The following CTNNA2 variants were observed in gnomAD, a reference collection of about 807,000 sequenced individuals.
CTNNA2 encodes catenin alpha 2, also known as catenin alpha-2.
CTNNA2 carries 42 observed loss-of-function variants against 101.0 expected under a neutral mutation model. The observed-to-expected ratio is 0.42, with a 90% confidence interval of 0.32 to 0.54. The LOEUF is 0.54. CTNNA2 is among the 20% of genes least tolerant of loss of function. The pLI is 0.14. For missense variants in CTNNA2, 871 were observed against 1,223.1 expected, an observed-to-expected ratio of 0.71 and a Z score of 4.29; for synonymous variants, 450 against 456.4, an observed-to-expected ratio of 0.99 and a Z score of 0.18.
chr2:79,537,055 C>T (rs765911124), intron 1 of CTNNA2, among the ~76,000 whole-genome samples: 10 of 152,116 alleles, frequency 6.6e-5, no homozygotes, highest in Non-Finnish European at 1.3e-4. Flanking sequence ...ACCTCACTTG[C>T]CACTGTTTGC....
intron 7 of CTNNA2, among the ~76,000 whole-genome samples, chr2:80,077,418 C>G (rs1431753276): frequency 6.6e-6 from 1 of 151,904 alleles, no homozygotes; most frequent in African/African-American, 2.4e-5. Context: ...AGTGTATTCA[C>G]AAGATGAAGT....
chr2:79,815,670 G>A (rs1677433154), intron 3 of CTNNA2, among the ~76,000 whole-genome samples: 1 of 152,132 alleles, frequency 6.6e-6, no homozygotes, highest in Admixed American at 6.6e-5. Flanking sequence ...TGGCCTTATA[G>A]TATAGTTTGA....
intron 3 of CTNNA2, among the ~76,000 whole-genome samples, chr2:79,824,590 T>G (rs1273540641): frequency 6.6e-6 from 1 of 152,200 alleles, no homozygotes; most frequent in Non-Finnish European, 1.5e-5. Flanking sequence ...GTCAAACAGC[T>G]GACATTGCTT....
intron 4 of CTNNA2, among the ~76,000 whole-genome samples, chr2:79,429,938 T>G (rs1452685395): frequency 6.6e-6 from 1 of 152,172 alleles, no homozygotes; most frequent in Non-Finnish European, 1.5e-5. Context: ...CTTTATTTCT[T>G]TGCAGTAGTA....
intron 18 of CTNNA2, among the ~76,000 whole-genome samples, chr2:80,622,490 G>A (rs1357947690): frequency 6.6e-6 from 1 of 151,720 alleles, no homozygotes; most frequent in African/African-American, 2.4e-5. Flanking sequence ...AATTTCCTTG[G>A]GCACTAAGCA....
At chr2:79,857,988 C>A (rs758489033) in intron 3 of CTNNA2, 25 bp from the exon 4 acceptor site, 8 of 1,600,298 alleles carry the variant, frequency 5.0e-6, no homozygotes, top group Non-Finnish European at 4.3e-6. Context: ...GTCTACCCAC[C>A]TGCCTCTCCG....
chr2:79,487,848 A>T (rs139198682), intron 4 of CTNNA2, among the ~76,000 whole-genome samples: 1 of 152,336 alleles, frequency 6.6e-6, no homozygotes, highest in East Asian at 1.9e-4. Flanking sequence ...TTTATTACAT[A>T]TCAATAGATA....
intron 2 of CTNNA2, among the ~76,000 whole-genome samples, chr2:79,235,186 A>C (rs1488789439): frequency 2.6e-5 from 4 of 152,144 alleles, no homozygotes; most frequent in Admixed American, 2.0e-4. Flanking sequence ...GATTGAGTAT[A>C]CTCAGTTGGC....
chr2:80,099,029 G>A (rs538713918), intron 7 of CTNNA2, among the ~76,000 whole-genome samples: 4 of 151,950 alleles, frequency 2.6e-5, no homozygotes, highest in East Asian at 2.0e-4. Flanking sequence ...CCACTGTCCG[G>A]CACTCCCCAG....
At chr2:80,197,122 C>G (rs1706891107) in intron 7 of CTNNA2, among the ~76,000 whole-genome samples, 1 of 152,122 alleles carries the variant, frequency 6.6e-6, no homozygotes, top group Non-Finnish European at 1.5e-5. Context: ...TGTTATTTTC[C>G]CAATGAGATC....
chr2:80,210,380 C>T (rs963281350), intron 7 of CTNNA2, among the ~76,000 whole-genome samples: 5 of 151,874 alleles, frequency 3.3e-5, no homozygotes, highest in African/African-American at 1.2e-4. Flanking sequence ...TACCCCATGA[C>T]AGGCCCCAGT....
At chr2:79,985,581 A>G (rs917574786) in intron 7 of CTNNA2, among the ~76,000 whole-genome samples, 22 of 152,220 alleles carry the variant, frequency 1.4e-4, no homozygotes, top group Non-Finnish European at 4.4e-5. Flanking sequence ...AACTAAACAA[A>G]GGACATGATG....
chr2:80,175,652 G>A (rs1705347017), intron 7 of CTNNA2, among the ~76,000 whole-genome samples: 1 of 152,166 alleles, frequency 6.6e-6, no homozygotes. Context: ...ATATATGAAA[G>A]GGAGTTTATT....
At chr2:79,714,428 T>C (rs1685939746) in intron 2 of CTNNA2, among the ~76,000 whole-genome samples, 1 of 152,314 alleles carries the variant, frequency 6.6e-6, no homozygotes, top group Admixed American at 6.5e-5. Flanking sequence ...CTGATCTCAA[T>C]TCTATTAGAC....
intron 2 of CTNNA2, among the ~76,000 whole-genome samples, chr2:79,670,368 G>A (rs1011114246): frequency 2.0e-5 from 3 of 152,174 alleles, no homozygotes; most frequent in Admixed American, 6.5e-5. Flanking sequence ...CCTGGGTAGG[G>A]CTCCTGACTG....
chr2:80,475,243 T>C (rs1386199120), intron 9 of CTNNA2, among the ~76,000 whole-genome samples: 1 of 152,170 alleles, frequency 6.6e-6, no homozygotes, highest in Non-Finnish European at 1.5e-5. Flanking sequence ...GTGTAAATTG[T>C]GTCATTGTAT....
intron 2 of CTNNA2, among the ~76,000 whole-genome samples, chr2:79,663,017 G>A (rs1682146966): frequency 1.3e-5 from 2 of 152,108 alleles, no homozygotes; most frequent in African/African-American, 4.8e-5. Flanking sequence ...CTCCCCAGGT[G>A]ATTCTACCCA....
At chr2:79,597,102 CTG>C (rs1464786745) in intron 1 of CTNNA2, among the ~76,000 whole-genome samples, 1 of 152,200 alleles carries the variant, frequency 6.6e-6, no homozygotes, top group Non-Finnish European at 1.5e-5. Flanking sequence ...ACAAAATAAA[CTG>C]TACGTATATG....
chr2:80,645,784 T>C (rs1674018834), intron 18 of CTNNA2, among the ~76,000 whole-genome samples: 1 of 152,066 alleles, frequency 6.6e-6, no homozygotes, highest in African/African-American at 2.4e-5. Context: ...GAGTATGGGG[T>C]TCAGCAGTGA....
Sources: allele counts gnomAD v4.1 joint callset (sites outside exome capture counted in the v4.1 genomes callset), GRCh38; gene constraint gnomAD v4.1.1; transcripts MANE v1.5; gene names NCBI Gene and HGNC (gene_info 2026-07-23, HGNC 2026-07-21).